SYT1: variants seen among roughly 807,000 people sequenced by gnomAD.
SYT1 encodes the protein synaptotagmin-1.
Under a neutral mutation model 44.8 loss-of-function variants are expected in SYT1, and 8 were observed. The observed-to-expected ratio is 0.18, with a 90% confidence interval of 0.10 to 0.32. The LOEUF (loss-of-function observed/expected upper bound fraction) is 0.32, where lower values mean the gene tolerates loss of function less well. Ranked by LOEUF, SYT1 falls within the 10% of genes least tolerant of loss-of-function variation. The pLI is 1.00. For synonymous variants in SYT1, 154 were observed against 188.8 expected (o/e 0.82, Z 1.51); for missense variants, 286 against 509.3 (o/e 0.56, Z 4.22).
chr12:79,038,547 A>C (rs1873297071), intron 2 of SYT1, among the ~76,000 whole-genome samples: 1 of 151,888 alleles, frequency 6.6e-6, no homozygotes, highest in Non-Finnish European at 1.5e-5. Flanking sequence ...AAGTCAAAAG[A>C]TATGTAACAA....
intron 1 of SYT1, among the ~76,000 whole-genome samples, chr12:78,901,704 C>G (rs17045897): frequency 0.024 from 3,624 of 152,114 alleles, 145 homozygotes; most frequent in African/African-American, 0.083. Context: ...GATCATAGAC[C>G]AATCCAATTC....
chr12:79,106,493 T>C (rs531198273), intron 3 of SYT1, among the ~76,000 whole-genome samples: 2 of 150,992 alleles, frequency 1.3e-5, no homozygotes, highest in Non-Finnish European at 3.0e-5. Flanking sequence ...TTAAAAATTG[T>C]TTATAATGCT....
At chr12:79,164,272 T>G (rs1051181589) in intron 3 of SYT1, among the ~76,000 whole-genome samples, 1 of 152,090 alleles carries the variant, frequency 6.6e-6, no homozygotes, top group African/African-American at 2.4e-5. Flanking sequence ...GCTTGAAGCA[T>G]TCACAGAGAA....
Position 79,421,695 on chromosome 12 carries a change from TG to T in SYT1, c.929-22377del, listed in dbSNP as rs1246543894. ...GCTTTATCCAATGTGACACTTTTTT[TG>T]TTTTTTTGTTTTCTGTTTTTTTTTT... is the stretch of plus-strand genomic sequence containing the variant. On this transcript the variant is annotated intron_variant, in intron 9 of 10. Transcript: ENST00000261205. 2.9e-4 allele frequency among the ~76,000 whole-genome samples: 44 copies of T among 150,926 alleles called. No individual in the cohort carries two copies. In the South Asian group the frequency reaches 9.0e-3, roughly 31 times the overall value.
At chr12:79,117,421 A>C (rs1879334648) in intron 3 of SYT1, among the ~76,000 whole-genome samples, 2 of 151,774 alleles carry the variant, frequency 1.3e-5, no homozygotes, top group African/African-American at 2.4e-5. Flanking sequence ...AACCAACTCC[A>C]CAGTGGATGA....
chr12:79,430,696 A>G (rs766984738), intron 9 of SYT1, among the ~76,000 whole-genome samples: 2 of 152,222 alleles, frequency 1.3e-5, no homozygotes, highest in East Asian at 3.9e-4. Flanking sequence ...CTGAGGTGGG[A>G]GGATCACTTG....
At chr12:79,191,082 G>GA (rs1477376753) in intron 3 of SYT1, among the ~76,000 whole-genome samples, 1 of 116,374 alleles carries the variant, frequency 8.6e-6, no homozygotes, top group South Asian at 2.6e-4. Flanking sequence ...AATTTGTACT[G>GA]AAAAAAACAT....
chr12:79,031,216 C>T (rs986585871), intron 2 of SYT1, among the ~76,000 whole-genome samples: 2 of 151,000 alleles, frequency 1.3e-5, no homozygotes, highest in Non-Finnish European at 3.0e-5. Flanking sequence ...TTTGACTTCT[C>T]TCATGTTAAA....
At chr12:79,191,323 C>T (rs923638006) in intron 3 of SYT1, among the ~76,000 whole-genome samples, 23 of 151,982 alleles carry the variant, frequency 1.5e-4, no homozygotes, top group African/African-American at 5.3e-4. Flanking sequence ...TGTACATCAA[C>T]AGTAGGGTTC....
At chr12:78,887,083 A>G (rs950805137) in intron 1 of SYT1, among the ~76,000 whole-genome samples, 4 of 152,018 alleles carry the variant, frequency 2.6e-5, no homozygotes, top group Non-Finnish European at 4.4e-5. Context: ...TCAGTTACCC[A>G]TGGCCAACCA....
intron 3 of SYT1, among the ~76,000 whole-genome samples, chr12:79,124,795 C>T (rs913188483): frequency 3.3e-5 from 5 of 152,054 alleles, no homozygotes; most frequent in Admixed American, 2.0e-4. Context: ...ACAATTGTAT[C>T]TCTACTCTTT....
chr12:78,868,893 G>GA (rs1443260960), intron 1 of SYT1: 2 of 151,706 alleles, frequency 1.3e-5, no homozygotes, highest in African/African-American at 2.4e-5. Context: ...AGTACAAGAT[G>GA]ATGCACTTCT....
intron 4 of SYT1, among the ~76,000 whole-genome samples, chr12:79,231,530 A>T (rs949129608): frequency 8.5e-5 from 13 of 152,192 alleles, no homozygotes; most frequent in African/African-American, 3.1e-4. Context: ...GAATAATAGA[A>T]ATATATTTGA....
At chr12:78,896,911 C>T (rs981812871) in intron 1 of SYT1, among the ~76,000 whole-genome samples, 4 of 151,658 alleles carry the variant, frequency 2.6e-5, no homozygotes, top group African/African-American at 9.7e-5. Context: ...TCACTTTCTA[C>T]AGCAAAATTA....
At chr12:79,178,394 G>A (rs1291376099) in intron 3 of SYT1, among the ~76,000 whole-genome samples, 1 of 151,874 alleles carries the variant, frequency 6.6e-6, no homozygotes, top group African/African-American at 2.4e-5. Context: ...TTTAGCTGAT[G>A]AGAGCCACCA....
intron 2 of SYT1, among the ~76,000 whole-genome samples, chr12:78,997,446 G>GC (rs1166274833): frequency 2.0e-5 from 3 of 152,136 alleles, no homozygotes; most frequent in Non-Finnish European, 4.4e-5. Flanking sequence ...ATTCTTGACA[G>GC]CTAGATATTA....
chr12:79,261,930 T>C (rs530868100), intron 4 of SYT1, among the ~76,000 whole-genome samples: 1 of 152,186 alleles, frequency 6.6e-6, no homozygotes, highest in Non-Finnish European at 1.5e-5. Flanking sequence ...TATTTTACTC[T>C]CTTATTGTTA....
chr12:79,445,225 A>G (rs1870641284), intron 10 of SYT1, among the ~76,000 whole-genome samples: 1 of 152,094 alleles, frequency 6.6e-6, no homozygotes, highest in Admixed American at 6.6e-5. Context: ...GCACATAGTA[A>G]TGTTTTCATA....
chr12:79,129,666 G>C (rs1343576766), intron 3 of SYT1, among the ~76,000 whole-genome samples: 3 of 152,206 alleles, frequency 2.0e-5, no homozygotes, highest in Admixed American at 2.0e-4. Context: ...GTACTTGAAA[G>C]TGTGCTAAGA....
Sources: gnomAD v4.1 joint callset for allele counts (sites outside exome capture counted in the v4.1 genomes callset) on GRCh38, gnomAD v4.1.1 for gene constraint, MANE v1.5 for transcripts, NCBI Gene and HGNC (gene_info 2026-07-23, HGNC 2026-07-21) for gene names.